Variants in CNTNAP2 observed in about 807,000 individuals in gnomAD.
CNTNAP2 encodes contactin-associated protein-like 2.
A neutral mutation model predicts 155.2 loss-of-function variants in CNTNAP2; 98 were observed. The ratio of observed to expected loss-of-function variants is 0.63; its 90% confidence interval spans 0.54 to 0.75. The LOEUF (loss-of-function observed/expected upper bound fraction) is 0.75, where lower values mean the gene tolerates loss of function less well. Among genes scored for constraint, CNTNAP2 ranks in the 30% least tolerant of loss-of-function variants. CNTNAP2 has a pLI of 0.00. For synonymous variants in CNTNAP2, 651 were observed against 631.2 expected (o/e 1.03, Z -0.47); for missense variants, 1,727 against 1,688.1 (o/e 1.02, Z -0.40).
chr7:147,689,932 A>G (rs1307759980), intron 13 of CNTNAP2, among the ~76,000 whole-genome samples: 1 of 152,114 alleles, frequency 6.6e-6, no homozygotes, highest in African/African-American at 2.4e-5. Context: ...TAAAGCACCA[A>G]TGCAAATTAT....
intron 8 of CNTNAP2, among the ~76,000 whole-genome samples, chr7:147,185,499 A>G (rs10255525): frequency 0.62 from 94,394 of 151,962 alleles, 29,825 homozygotes; most frequent in Middle Eastern, 0.72. Context: ...TTATACTATC[A>G]GCAGTAGAAT....
intron 8 of CNTNAP2, among the ~76,000 whole-genome samples, chr7:147,177,624 C>G (rs929901085): frequency 3.9e-5 from 6 of 152,250 alleles, no homozygotes; most frequent in Non-Finnish European, 7.4e-5. Context: ...AGATAATATT[C>G]CTTTCTCTTC....
At chr7:146,533,961 T>A (rs1450542881) in intron 1 of CNTNAP2, among the ~76,000 whole-genome samples, 1 of 152,140 alleles carries the variant, frequency 6.6e-6, no homozygotes, top group South Asian at 2.1e-4. Context: ...AGAAAAGCAT[T>A]GAATTAAAAA....
At chr7:147,511,000 A>G (rs1413143185) in intron 11 of CNTNAP2, among the ~76,000 whole-genome samples, 13 of 151,304 alleles carry the variant, frequency 8.6e-5, no homozygotes, top group African/African-American at 3.2e-4. Flanking sequence ...TTCTTAAATT[A>G]TATTTTATTT....
intron 15 of CNTNAP2, among the ~76,000 whole-genome samples, chr7:147,986,466 A>T (rs1368787715): frequency 6.6e-6 from 1 of 152,226 alleles, no homozygotes; most frequent in East Asian, 1.9e-4. Context: ...AGCTCAAAAC[A>T]AGACCAAGAA....
At chr7:147,819,341 T>G (rs1464718319) in intron 13 of CNTNAP2, among the ~76,000 whole-genome samples, 1 of 152,168 alleles carries the variant, frequency 6.6e-6, no homozygotes, top group Non-Finnish European at 1.5e-5. Flanking sequence ...CACTTCAGCT[T>G]TTCAACAACG....
chr7:148,079,478 C>T (rs924336755), intron 15 of CNTNAP2, among the ~76,000 whole-genome samples: 24 of 152,238 alleles, frequency 1.6e-4, no homozygotes, highest in Admixed American at 2.0e-4. Flanking sequence ...ACAAAGCCTA[C>T]AGGTAGCCGG....
At chr7:148,346,753 C>T (rs892405758) in intron 21 of CNTNAP2, among the ~76,000 whole-genome samples, 1 of 143,882 alleles carries the variant, frequency 7.0e-6, no homozygotes, top group African/African-American at 2.7e-5. Context: ...GCCTGGGCAA[C>T]AAGAGTGAAA....
chr7:146,664,187 A>T (rs1800147052), intron 1 of CNTNAP2, among the ~76,000 whole-genome samples: 1 of 114,896 alleles, frequency 8.7e-6, no homozygotes, highest in Non-Finnish European at 1.6e-5. Flanking sequence ...TTTTTGGCAC[A>T]GTCTCACTCT....
At chr7:146,981,324 G>T (rs1223296566) in intron 3 of CNTNAP2, among the ~76,000 whole-genome samples, 1 of 152,148 alleles carries the variant, frequency 6.6e-6, no homozygotes, top group East Asian at 1.9e-4. Context: ...TAAATTTTGG[G>T]ATAGAAAAAT....
At chr7:146,466,238 C>T (rs1323353520) in intron 1 of CNTNAP2, among the ~76,000 whole-genome samples, 1 of 152,138 alleles carries the variant, frequency 6.6e-6, no homozygotes, top group Non-Finnish European at 1.5e-5. Context: ...GTGAAGGATG[C>T]ACCGGGTCAG....
intron 8 of CNTNAP2, among the ~76,000 whole-genome samples, chr7:147,234,724 G>A (rs554312126): frequency 6.6e-6 from 1 of 152,266 alleles, no homozygotes; most frequent in African/African-American, 2.4e-5. Flanking sequence ...CTCAGCCTGG[G>A]AGATTGCTGT....
At chr7:147,864,582 T>C (rs1254328372) in intron 13 of CNTNAP2, among the ~76,000 whole-genome samples, 1 of 152,160 alleles carries the variant, frequency 6.6e-6, no homozygotes. Flanking sequence ...CTTCCATTTG[T>C]TTGTGTCCTC....
intron 2 of CNTNAP2, among the ~76,000 whole-genome samples, chr7:146,790,763 G>T (rs1041168827): frequency 1.5e-4 from 23 of 151,854 alleles, no homozygotes; most frequent in Non-Finnish European, 5.9e-5. Context: ...TAGAGGCAGG[G>T]TTTCACCGTG....
intron 1 of CNTNAP2, among the ~76,000 whole-genome samples, chr7:146,617,656 A>G (rs949160958): frequency 6.6e-6 from 1 of 152,232 alleles, no homozygotes; most frequent in South Asian, 2.1e-4. Flanking sequence ...ATTAAAATTG[A>G]TACATCAAAT....
intron 1 of CNTNAP2, among the ~76,000 whole-genome samples, chr7:146,249,892 A>G (rs1232432126): frequency 6.6e-6 from 1 of 152,012 alleles, no homozygotes; most frequent in Admixed American, 6.6e-5. Context: ...CTTGAAAAAA[A>G]GAAAAAAAGA....
chr7:148,044,714 T>A (rs2527050), intron 15 of CNTNAP2: 1,983 of 152,396 alleles, frequency 0.013, 41 homozygotes, highest in African/African-American at 0.046. Flanking sequence ...GTAAGCAATC[T>A]GCTGTTGTTG....
At chr7:147,109,202 A>G (rs1357486548) in intron 5 of CNTNAP2, among the ~76,000 whole-genome samples, 1 of 152,156 alleles carries the variant, frequency 6.6e-6, no homozygotes, top group Non-Finnish European at 1.5e-5. Flanking sequence ...TGGGTGAGAG[A>G]TAGTACTGCT....
chr7:146,818,357 T>A (rs537014548), intron 2 of CNTNAP2, among the ~76,000 whole-genome samples: 1 of 152,176 alleles, frequency 6.6e-6, no homozygotes, highest in African/African-American at 2.4e-5. Flanking sequence ...TGTTAAGTAG[T>A]TTATAGAATC....
Sources: gnomAD v4.1 joint callset for allele counts (sites outside exome capture counted in the v4.1 genomes callset) on GRCh38, gnomAD v4.1.1 for gene constraint, MANE v1.5 for transcripts, NCBI Gene and HGNC (gene_info 2026-07-23, HGNC 2026-07-21) for gene names.